The following ADAMTS19 variants were observed in gnomAD, a reference collection of about 807,000 sequenced individuals.
The protein encoded by ADAMTS19 is ADAM metallopeptidase with thrombospondin type 1 motif 19.
In ADAMTS19, 93 loss-of-function variants were observed where a neutral mutation model predicts 153.3. The observed-to-expected ratio is 0.61, with a 90% CI of 0.51 to 0.72. The LOEUF is 0.72. ADAMTS19 is among the 30% of genes least tolerant of loss of function. The pLI is 0.00. For synonymous variants in ADAMTS19, 600 were observed against 556.6 expected (o/e 1.08, Z -1.10); for missense variants, 1,482 against 1,552.1 (o/e 0.95, Z 0.76).
At chr5:129,592,655 G>A (rs1024431037) in intron 7 of ADAMTS19, among the ~76,000 whole-genome samples, 1 of 152,130 alleles carries the variant, frequency 6.6e-6, no homozygotes, top group Non-Finnish European at 1.5e-5. Flanking sequence ...CAGAGTCTCA[G>A]TTGAAGATTC....
chr5:129,566,872 C>A (rs907779905), intron 7 of ADAMTS19, among the ~76,000 whole-genome samples: 7 of 152,022 alleles, frequency 4.6e-5, no homozygotes, highest in Non-Finnish European at 8.8e-5. Context: ...GGGGTAGACG[C>A]CATTGCTTCT....
At chr5:129,661,488 T>C (rs1753810778) in intron 15 of ADAMTS19, among the ~76,000 whole-genome samples, 2 of 152,182 alleles carry the variant, frequency 1.3e-5, no homozygotes, top group East Asian at 3.9e-4. Context: ...TTGAAGGCCA[T>C]ACAGCCCTGT....
At chr5:129,527,922 A>G in intron 5 of ADAMTS19, 91 bp downstream of exon 5, 2 of 780,412 alleles carry the variant, frequency 2.6e-6, no homozygotes, top group Non-Finnish European at 4.2e-6. Context: ...GGATGTGCTT[A>G]AAAATCCAGA....
At chr5:129,599,256 G>GA (rs1750527018) in intron 8 of ADAMTS19, among the ~76,000 whole-genome samples, 1 of 151,902 alleles carries the variant, frequency 6.6e-6, no homozygotes, top group Non-Finnish European at 1.5e-5. Context: ...TAAAACCTAT[G>GA]AAAAATCATA....
intron 6 of ADAMTS19, among the ~76,000 whole-genome samples, chr5:129,548,545 TG>T (rs1199092826): frequency 6.6e-6 from 1 of 151,616 alleles, no homozygotes; most frequent in Admixed American, 6.6e-5. Context: ...GGAGAGGATG[TG>T]GAGAAATAGG....
intron 5 of ADAMTS19, among the ~76,000 whole-genome samples, chr5:129,528,220 ATGT>A (rs1212600641): frequency 6.6e-6 from 1 of 151,998 alleles, no homozygotes; most frequent in Non-Finnish European, 1.5e-5. Context: ...TACATAGAAA[ATGT>A]TGTTCTTAAA....
Position 129,669,084 on chromosome 5 carries a change from A to ATG in ADAMTS19, c.2506+3509_2506+3510dup, listed in dbSNP as rs559009325. 1.4e-3 allele frequency among the ~76,000 whole-genome samples: 207 copies of ATG among 148,612 alleles called. 1 individual carries two copies. The highest frequency in any genetic ancestry group is 5.2e-3 in the African/African-American group (198 of 38,432). ...GATTAGAAAGTCCAGGAATATATAT[A>ATG]TGTGTATATATATATATATTCAAAT... On this transcript the variant is annotated intron_variant, in intron 16 of 22. Transcript: ENST00000274487.
At chr5:129,585,566 A>G (rs1031895265) in intron 7 of ADAMTS19, among the ~76,000 whole-genome samples, 3 of 151,972 alleles carry the variant, frequency 2.0e-5, no homozygotes, top group Admixed American at 2.0e-4. Context: ...ATTTGGGGAG[A>G]TATTAACATT....
chr5:129,561,583 G>C (rs74290698), intron 7 of ADAMTS19, among the ~76,000 whole-genome samples: 1 of 151,562 alleles, frequency 6.6e-6, no homozygotes, highest in Non-Finnish European at 1.5e-5. Context: ...AGATTATTGT[G>C]CGTTTTCTAA....
Position 129,737,298 on chromosome 5 carries a change from A to G in ADAMTS19, c.*80A>G, listed in dbSNP as rs766871143. 42 of 1,273,760 alleles carry G rather than the reference A, an allele frequency of 3.3e-5. No individual in the cohort carries two copies. Among genetic ancestry groups the G allele is most frequent in the Non-Finnish European group, 4.1e-5 (40 of 966,490 alleles). 78.9% of individuals were successfully genotyped at this position (1,273,760 alleles called of 1,614,324 possible). On this transcript the variant is annotated 3_prime_UTR_variant, in exon 23 of 23. Coordinates refer to ENST00000274487, the MANE Select transcript of ADAMTS19 (RefSeq NM_133638.6). ...CACACACTAGCATGTTTTTCAGACC[A>G]AATATTATCAGATTACATATAATTT...
chr5:129,699,476 T>A (rs966738713), intron 19 of ADAMTS19, among the ~76,000 whole-genome samples: 2 of 149,818 alleles, frequency 1.3e-5, no homozygotes, highest in Non-Finnish European at 3.0e-5. Context: ...TATGTAAAAG[T>A]GTTATGGATG....
At chr5:129,662,010 G>A (rs1281576021) in intron 15 of ADAMTS19, among the ~76,000 whole-genome samples, 1 of 152,146 alleles carries the variant, frequency 6.6e-6, no homozygotes, top group Admixed American at 6.5e-5. Flanking sequence ...TACTGACAAT[G>A]CAGTGTTGGA....
chr5:129,460,574 G>A, intron 1 of ADAMTS19, 92 bp downstream of exon 1: 2 of 1,408,456 alleles, frequency 1.4e-6, no homozygotes, highest in African/African-American at 2.8e-5. Context: ...CAACCGGTGC[G>A]TGGAGAGCAG....
At chr5:129,580,376 T>A (rs542622930) in intron 7 of ADAMTS19, among the ~76,000 whole-genome samples, 1 of 152,306 alleles carries the variant, frequency 6.6e-6, no homozygotes, top group South Asian at 2.1e-4. Flanking sequence ...TCATGTCATC[T>A]GCAAACAGAC....
At chr5:129,566,490 G>T (rs1402344330) in intron 7 of ADAMTS19, among the ~76,000 whole-genome samples, 1 of 152,102 alleles carries the variant, frequency 6.6e-6, no homozygotes, top group Non-Finnish European at 1.5e-5. Flanking sequence ...AAAGTAACAG[G>T]CTGATTGGGA....
intron 2 of ADAMTS19, among the ~76,000 whole-genome samples, chr5:129,469,839 C>T (rs979217127): frequency 1.4e-4 from 22 of 152,056 alleles, no homozygotes; most frequent in African/African-American, 5.1e-4. Context: ...TTTAAGTGTA[C>T]CTACCTTTAT....
At chr5:129,667,076 G>T (rs190293174) in intron 16 of ADAMTS19, among the ~76,000 whole-genome samples, 1 of 152,096 alleles carries the variant, frequency 6.6e-6, no homozygotes, top group East Asian at 1.9e-4. Flanking sequence ...TACAGTAAAC[G>T]CCTTTTATAA....
chr5:129,503,962 T>C (rs1275391482), intron 2 of ADAMTS19, among the ~76,000 whole-genome samples: 1 of 152,200 alleles, frequency 6.6e-6, no homozygotes, highest in Non-Finnish European at 1.5e-5. Flanking sequence ...ACCGAAACAC[T>C]TCTGCTTCTT....
chr5:129,496,788 G>A (rs1434341316), intron 2 of ADAMTS19, among the ~76,000 whole-genome samples: 1 of 152,056 alleles, frequency 6.6e-6, no homozygotes, highest in Non-Finnish European at 1.5e-5. Context: ...ACAACTAGGT[G>A]TACAATTGAA....
Sources: allele counts gnomAD v4.1 joint callset (sites outside exome capture counted in the v4.1 genomes callset), GRCh38; gene constraint gnomAD v4.1.1; transcripts MANE v1.5; gene names NCBI Gene and HGNC (gene_info 2026-07-23, HGNC 2026-07-21).